The following SYTL4 variants were observed in gnomAD, a reference collection of about 807,000 sequenced individuals.
SYTL4 encodes the protein synaptotagmin like 4, also known as synaptotagmin-like protein 4.
Under a neutral mutation model 52.7 loss-of-function variants are expected in SYTL4, and 16 were observed. The ratio of observed to expected loss-of-function variants is 0.30; its 90% CI spans 0.21 to 0.46. The LOEUF is 0.46. Ranked by LOEUF, SYTL4 falls within the 20% of genes least tolerant of loss-of-function variation. The pLI is 1.00. For synonymous variants in SYTL4, 160 were observed against 186.6 expected (o/e 0.86, Z 1.16); for missense variants, 423 against 519.9 (o/e 0.81, Z 1.81).
At chrX:100,704,714 A>G (rs1173755622) in intron 3 of SYTL4, 97 bp downstream of exon 3, 1 of 112,168 alleles carries the variant, frequency 8.9e-6, no homozygotes, top group African/African-American at 3.2e-5. Flanking sequence ...GACCTCAGGA[A>G]GAAAAAATGT....
intron 15 of SYTL4, 98 bp downstream of exon 15, chrX:100,686,581 C>G (rs907139370): frequency 1.9e-5 from 11 of 590,671 alleles, no homozygotes; most frequent in African/African-American, 1.6e-4. Flanking sequence ...ACATGGCCCA[C>G]TGAAGCCCGT....
chrX:100,678,315 G>A, intron 19 of SYTL4, 76 bp downstream of exon 19: 1 of 730,203 alleles, frequency 1.4e-6, no homozygotes, highest in South Asian at 2.4e-5. Flanking sequence ...GCTTTGTGTT[G>A]GGGGGCGGGA....
intron 2 of SYTL4, among the ~76,000 whole-genome samples, chrX:100,712,834 T>G (rs2084101169): frequency 9.0e-6 from 1 of 111,650 alleles, no homozygotes; most frequent in African/African-American, 3.3e-5. Flanking sequence ...ACAAAAGATA[T>G]GAATAAACAT....
At chrX:100,680,195 A>G (rs1235504857) in intron 17 of SYTL4, among the ~76,000 whole-genome samples, 1 of 110,992 alleles carries the variant, frequency 9.0e-6, no homozygotes, top group Non-Finnish European at 1.9e-5. Context: ...TAGTATTTCA[A>G]TACTGTTGAT....
intron 13 of SYTL4, 117 bp downstream of exon 13, chrX:100,688,234 T>G (rs2083511279): frequency 1.8e-6 from 1 of 562,124 alleles, no homozygotes. Context: ...ATGATCTTAC[T>G]TACCTGAAAA....
rs1346545849 is a variant in SYTL4, at chrX:100,701,477, T to C, written c.307A>G (p.Lys103Glu). 8.3e-7 allele frequency: 1 copy of C among 1,209,961 alleles called. No individual in the cohort carries two copies. The highest frequency in any genetic ancestry group is 1.1e-6 in the Non-Finnish European group (1 of 894,947). Residue 103 changes from lysine to glutamate, a missense_variant, in exon 6 of 20, where the codon AAG (lysine) becomes GAG (glutamate). Coordinates refer to ENST00000372989, the MANE Select transcript of SYTL4 (RefSeq NM_001370165.1). The part of the protein sequence containing the change: ...IQESNGTWRC[K>E]VCAKEIELKK... Reference sequence around the variant, plus strand: ...ACTCACATTTCCTTGGCGCACACCTTGCACCTCCAGGTACCATTGCTTTCC... The same window carrying C: ...ACTCACATTTCCTTGGCGCACACCTCGCACCTCCAGGTACCATTGCTTTCC...
chrX:100,695,103 T>C (rs2083679818), intron 8 of SYTL4, among the ~76,000 whole-genome samples: 1 of 105,555 alleles, frequency 9.5e-6, no homozygotes, highest in African/African-American at 3.5e-5. Context: ...AGAGTGGTTT[T>C]TCCTTTTTTT....
intron 2 of SYTL4, among the ~76,000 whole-genome samples, chrX:100,705,593 A>G (rs1443701328): frequency 9.0e-6 from 1 of 111,705 alleles, no homozygotes; most frequent in Non-Finnish European, 1.9e-5. Context: ...GTCAGCTAAA[A>G]AGCAAGGATA....
intron 2 of SYTL4, among the ~76,000 whole-genome samples, chrX:100,730,841 C>T (rs775700241): frequency 3.7e-5 from 4 of 107,401 alleles, no homozygotes; most frequent in Non-Finnish European, 5.7e-5. Flanking sequence ...ATCAAGGCCA[C>T]GTCTCTGCAT....
At chrX:100,724,207 CT>C (rs746298088) in intron 2 of SYTL4, among the ~76,000 whole-genome samples, 938 of 92,225 alleles carry the variant, frequency 0.01, 22 homozygotes, top group South Asian at 0.081. Context: ...GGGTCATCAG[CT>C]CCCCCGCCCG....
At chrX:100,691,320 AAT>A in intron 8 of SYTL4, 111 bp from the exon 9 acceptor site, 2 of 495,337 alleles carry the variant, frequency 4.0e-6, no homozygotes, top group East Asian at 7.4e-5. Flanking sequence ...TTCTAAAATA[AAT>A]ATGAGTATAC....
intron 16 of SYTL4, chrX:100,685,692 G>A: frequency 4.7e-6 from 1 of 214,281 alleles, no homozygotes; most frequent in Non-Finnish European, 8.5e-6. Context: ...GAGAAGAGGT[G>A]CGAGTTAGGA....
Position 100,731,721 on chromosome X carries a change from C to T in SYTL4, c.-327-216G>A, listed in dbSNP as rs1257246107. Among the ~76,000 whole-genome samples the T allele has an allele frequency of 6.3e-5, 7 of 111,782 alleles. No homozygotes were observed. The East Asian group carries it at 2.0e-3, about 32-fold the overall frequency. On this transcript the variant is annotated intron_variant, in intron 1 of 19. Transcript: ENST00000372989. ...CAGACCGCATTAGTGCTGGGTGGGT[C>T]AGGGAAGGGGCCAGAAGAAGCCCTG...
intron 2 of SYTL4, among the ~76,000 whole-genome samples, chrX:100,712,067 G>A (rs2084083929): frequency 9.0e-6 from 1 of 110,916 alleles, no homozygotes; most frequent in Non-Finnish European, 1.9e-5. Flanking sequence ...AAACAGAGGT[G>A]AAATAAAGAC....
intron 2 of SYTL4, among the ~76,000 whole-genome samples, chrX:100,723,704 T>C (rs113932159): frequency 9.5e-6 from 1 of 105,233 alleles, no homozygotes; most frequent in Non-Finnish European, 2.0e-5. Flanking sequence ...CCGCCCCGTC[T>C]GGGATGTGAG....
chrX:100,688,481 A>G (rs761309130), intron 12 of SYTL4, 38 bp from the exon 13 acceptor site: 14 of 1,113,487 alleles, frequency 1.3e-5, no homozygotes, highest in Non-Finnish European at 1.7e-5. Context: ...TAATAAAAGA[A>G]AGACTTTTCT....
At chrX:100,685,416 C>T (rs1310423026) in intron 16 of SYTL4, 1 of 112,286 alleles carries the variant, frequency 8.9e-6, no homozygotes, top group Non-Finnish European at 1.9e-5. Flanking sequence ...GATTTCCCTA[C>T]ATTATTTTGT....
intron 2 of SYTL4, among the ~76,000 whole-genome samples, chrX:100,716,829 T>G: frequency 9.0e-6 from 1 of 111,553 alleles, no homozygotes; most frequent in Non-Finnish European, 1.9e-5. Flanking sequence ...AATGTAACTG[T>G]CTTAGATACC....
chrX:100,714,405 A>G (rs965623961), intron 2 of SYTL4, among the ~76,000 whole-genome samples: 20 of 109,422 alleles, frequency 1.8e-4, no homozygotes, highest in Middle Eastern at 4.7e-3. Context: ...GACTACAGGC[A>G]CCCGCCACCA....
Sources: allele counts gnomAD v4.1 joint callset (sites outside exome capture counted in the v4.1 genomes callset), GRCh38; gene constraint gnomAD v4.1.1; transcripts MANE v1.5; gene names NCBI Gene and HGNC (gene_info 2026-07-23, HGNC 2026-07-21).